The following ABCC5 variants were observed in gnomAD, a reference collection of about 807,000 sequenced individuals.
ABCC5 encodes the protein ATP binding cassette subfamily C member 5, also known as ATP-binding cassette sub-family C member 5.
ABCC5 carries 61 observed loss-of-function variants against 160.9 expected under a neutral mutation model. That is an observed-to-expected ratio of 0.38 (90% confidence interval 0.31 to 0.47). The LOEUF is 0.47. Among genes scored for constraint, ABCC5 ranks in the 20% least tolerant of loss-of-function variants. The probability of loss-of-function intolerance (pLI) is 0.99; values close to 1 mark genes in which losing one functional copy is unlikely to be tolerated. For synonymous variants in ABCC5, 666 were observed against 700.6 expected (o/e 0.95, Z 0.78); for missense variants, 1,308 against 1,813.3 (o/e 0.72, Z 5.06).
intron 29 of ABCC5, among the ~76,000 whole-genome samples, chr3:183,923,460 TAAA>T (rs937351519): frequency 6.6e-6 from 1 of 151,934 alleles, no homozygotes; most frequent in African/African-American, 2.4e-5. Flanking sequence ...CTGTGTCTAC[TAAA>T]AATACAAAAA....
intron 23 of ABCC5, among the ~76,000 whole-genome samples, chr3:183,946,510 CTATT>C (rs1332341257): frequency 1.3e-5 from 2 of 152,140 alleles, no homozygotes; most frequent in Admixed American, 6.5e-5. Context: ...GTTCCTTTGA[CTATT>C]TATTTTTATC....
rs1715153763 is a variant in ABCC5, at chr3:183,949,558, T to C, written c.3227+195A>G. 6.6e-6 allele frequency among the ~76,000 whole-genome samples: 1 copy of C among 152,274 alleles called. No individual in the cohort carries two copies. Among genetic ancestry groups the C allele is most frequent in the Non-Finnish European group, 1.5e-5 (1 of 68,048 alleles). On this transcript the variant is annotated intron_variant, in intron 22 of 29. Coordinates refer to ENST00000334444, the MANE Select transcript of ABCC5 (RefSeq NM_005688.4). This position sits in a 1 kb window ranked among gnomAD's most constrained non-coding sequence, Gnocchi z 4.2. ...CGCATGCGGCCCAAATCTGTATTTCTGTTTTCTCACTTGCTCAGAAAGGAG... is the reference window on the plus strand; with the variant it reads ...CGCATGCGGCCCAAATCTGTATTTCCGTTTTCTCACTTGCTCAGAAAGGAG...
intron 2 of ABCC5, chr3:184,009,837 G>A: frequency 3.7e-6 from 1 of 269,012 alleles, no homozygotes; most frequent in South Asian, 3.6e-5. Flanking sequence ...TAAAAATCAG[G>A]AAAACAGTAC....
At chr3:183,924,182 C>T (rs892873076) in intron 29 of ABCC5, among the ~76,000 whole-genome samples, 1 of 152,034 alleles carries the variant, frequency 6.6e-6, no homozygotes, top group Non-Finnish European at 1.5e-5. Flanking sequence ...CCACTCCTGG[C>T]TAATTTTTTG....
At chr3:184,011,392 T>C (rs893035153) in intron 2 of ABCC5, 2 of 152,166 alleles carry the variant, frequency 1.3e-5, no homozygotes, top group Non-Finnish European at 2.9e-5. Flanking sequence ...ATGGCTAAAA[T>C]AAACATTATA....
intron 26 of ABCC5, 74 bp from the exon 27 acceptor site, chr3:183,928,899 T>A: frequency 8.1e-7 from 1 of 1,239,864 alleles, no homozygotes; most frequent in Non-Finnish European, 1.2e-6. Context: ...CTGTGGAAGA[T>A]GTTTAACACA....
chr3:183,959,308 C>A (rs909493164), intron 17 of ABCC5, among the ~76,000 whole-genome samples: 7 of 152,122 alleles, frequency 4.6e-5, no homozygotes, highest in African/African-American at 1.7e-4. Flanking sequence ...GACAAAGTGA[C>A]GAGTCTACTG....
intron 5 of ABCC5, chr3:183,984,711 A>C: frequency 6.6e-7 from 1 of 1,525,142 alleles, no homozygotes; most frequent in Non-Finnish European, 8.8e-7. Context: ...CACTGTATAC[A>C]GCCGGGTTGC....
At chr3:183,990,233 G>A (rs961379772) in intron 2 of ABCC5, among the ~76,000 whole-genome samples, 2 of 151,750 alleles carry the variant, frequency 1.3e-5, no homozygotes, top group African/African-American at 2.4e-5. Flanking sequence ...CTCAGCCTCC[G>A]AGTAGGGGGG....
intron 2 of ABCC5, among the ~76,000 whole-genome samples, chr3:183,990,784 A>T (rs1038866519): frequency 7.6e-6 from 1 of 131,148 alleles, no homozygotes; most frequent in Non-Finnish European, 1.5e-5. Context: ...AGATTAACAA[A>T]AGTGCATGCA....
intron 2 of ABCC5, among the ~76,000 whole-genome samples, chr3:183,998,172 G>A (rs1485959236): frequency 1.3e-5 from 2 of 151,714 alleles, no homozygotes; most frequent in Non-Finnish European, 2.9e-5. Flanking sequence ...CTATCCCTGG[G>A]GTTACAGGAT....
Position 183,988,801 on chromosome 3 carries a change from T to C in ABCC5, c.288-74A>G, listed in dbSNP as rs1719464428. The stretch of plus-strand genomic sequence containing the variant: ...GGCAGCCCGTGTTTAATGGACACTG[T>C]TTAGTGAACACAGCTCTTAGCTAAA... On this transcript the variant is annotated intron_variant, in intron 3 of 29. Transcript: ENST00000334444. This position sits in a 1 kb window ranked among gnomAD's most constrained non-coding sequence, Gnocchi z 4.4. The C allele has an allele frequency of 4.8e-6, 7 of 1,467,068 alleles. No individual in the cohort carries two copies. The Admixed American group carries it at 1.4e-4, about 29-fold the overall frequency. 90.9% of individuals were successfully genotyped at this position (1,467,068 alleles called of 1,614,324 possible).
In ABCC5 at chr3:183,947,456, C is replaced by T. The variant is rs371111644; in HGVS notation, c.3282G>A (p.Ala1094=). 1.6e-5 allele frequency: 25 copies of T among 1,611,600 alleles called. No individual in the cohort carries two copies. Among genetic ancestry groups the T allele is most frequent in the South Asian group, 3.3e-5 (3 of 90,958 alleles). ...CCAGCCGCACAGCCAGCCACCGCAT[C>T]GCACACGTAAACAAAAAAAAAGGAG... The part of the protein sequence containing the change: ...NQAPFFLFTC[A]MRWLAVRLDL... The change falls in exon 23 of 30, where the codon GCG becomes GCA. Residue 1094 remains alanine, a synonymous_variant. Coordinates refer to ENST00000334444, the MANE Select transcript of ABCC5 (RefSeq NM_005688.4).
At chr3:183,931,811 C>T (rs534967178) in intron 26 of ABCC5, among the ~76,000 whole-genome samples, 1 of 152,326 alleles carries the variant, frequency 6.6e-6, no homozygotes, top group East Asian at 1.9e-4. Flanking sequence ...AATATCTCCC[C>T]TCATTAGAGA....
At chr3:183,938,643 C>T (rs1248092910) in intron 25 of ABCC5, among the ~76,000 whole-genome samples, 1 of 152,086 alleles carries the variant, frequency 6.6e-6, no homozygotes, top group Non-Finnish European at 1.5e-5. Context: ...GCCTCCTGGT[C>T]ACCTTAGGAA....
chr3:183,925,183 A>G (rs1712411254), intron 29 of ABCC5, among the ~76,000 whole-genome samples: 1 of 152,238 alleles, frequency 6.6e-6, no homozygotes, highest in African/African-American at 2.4e-5. Flanking sequence ...CACTAAGTAC[A>G]TGTACCAGGG....
Position 183,981,896 on chromosome 3 carries a change from C to T in ABCC5, c.1000-22G>A, listed in dbSNP as rs187722168. Reference sequence around the variant, plus strand: ...ACATCTGAAAGGAAAAGCGATGCCACGCCAAATTAAAGCTCATTCAAACTT... The same window carrying T: ...ACATCTGAAAGGAAAAGCGATGCCATGCCAAATTAAAGCTCATTCAAACTT... On this transcript the variant is annotated intron_variant, in intron 7 of 29. Coordinates refer to ENST00000334444, the MANE Select transcript of ABCC5 (RefSeq NM_005688.4). 2.0e-5 allele frequency: 31 copies of T among 1,580,040 alleles called. No individual in the cohort carries two copies. The Admixed American group carries it at 4.4e-4, about 23-fold the overall frequency.
chr3:183,962,144 T>C (rs1040060935), intron 15 of ABCC5, among the ~76,000 whole-genome samples: 6 of 152,256 alleles, frequency 3.9e-5, no homozygotes, highest in East Asian at 1.9e-4. Flanking sequence ...CCAACGTAAA[T>C]TGAAAATATC....
chr3:183,922,822 C>T (rs565777173), intron 29 of ABCC5, among the ~76,000 whole-genome samples: 39 of 121,534 alleles, frequency 3.2e-4, no homozygotes, highest in African/African-American at 1.2e-3. Context: ...AGAACATAAG[C>T]GTGTCCTTCC....
Sources: allele counts gnomAD v4.1 joint callset (sites outside exome capture counted in the v4.1 genomes callset), GRCh38; gene constraint gnomAD v4.1.1; non-coding constraint Gnocchi (gnomAD v3.1); transcripts MANE v1.5; gene names NCBI Gene and HGNC (gene_info 2026-07-23, HGNC 2026-07-21).